SLC25A16: variants seen among roughly 807,000 people sequenced by gnomAD.
SLC25A16 encodes the protein solute carrier family 25 member 16.
Under a neutral mutation model 41.5 loss-of-function variants are expected in SLC25A16, and 39 were observed. That is an observed-to-expected ratio of 0.94 (90% CI 0.73 to 1.23). The LOEUF (loss-of-function observed/expected upper bound fraction) is 1.23, where lower values mean the gene tolerates loss of function less well. SLC25A16 is among the 50% of genes most tolerant of loss of function. The pLI is 0.00. For synonymous variants in SLC25A16, 146 were observed against 147.8 expected, an observed-to-expected ratio of 0.99 and a Z score of 0.09; for missense variants, 421 against 426.9, an observed-to-expected ratio of 0.99 and a Z score of 0.12.
intron 1 of SLC25A16, among the ~76,000 whole-genome samples, chr10:68,526,550 TTGTCTC>T (rs1462561954): frequency 1.3e-5 from 2 of 152,108 alleles, no homozygotes; most frequent in South Asian, 2.1e-4. Context: ...TCTCTATACT[TTGTCTC>T]TGTGTCTTTT....
At chr10:68,505,498 G>C (rs548665123) in intron 3 of SLC25A16, among the ~76,000 whole-genome samples, 1 of 152,138 alleles carries the variant, frequency 6.6e-6, no homozygotes, top group Non-Finnish European at 1.5e-5. Context: ...TACTTGGCCG[G>C]GTGCAGTGGC....
intron 1 of SLC25A16, among the ~76,000 whole-genome samples, chr10:68,522,863 C>T (rs1033383205): frequency 4.7e-5 from 7 of 149,988 alleles, no homozygotes; most frequent in Non-Finnish European, 7.4e-5. Flanking sequence ...TGGCACCCAC[C>T]GGTAGTCCCA....
Position 68,481,364 on chromosome 10 carries a change from C to A in SLC25A16, c.*2068G>T, listed in dbSNP as rs797018518. 9 of 152,250 alleles carry A rather than the reference C, an allele frequency of 5.9e-5. No homozygotes were observed. The highest frequency in any genetic ancestry group is 2.2e-4 in the African/African-American group (9 of 41,548). 9.4% of individuals were successfully genotyped at this position (152,250 alleles called of 1,614,324 possible). Reference sequence around the variant, plus strand: ...TACTTATTTTTAAAATAAAGGCTTTCAAAATGAAACCAGCTCATCAAATTT... The same window carrying A: ...TACTTATTTTTAAAATAAAGGCTTTAAAAATGAAACCAGCTCATCAAATTT... On this transcript the variant is annotated 3_prime_UTR_variant, in exon 9 of 9. Coordinates refer to ENST00000609923, the MANE Select transcript of SLC25A16 (RefSeq NM_152707.4).
rs1007616671 is a variant in SLC25A16 at position 68,527,333 on chromosome 10, G to A, written c.43C>T (p.Pro15Ser). 2 of 1,535,846 alleles carry A rather than the reference G, an allele frequency of 1.3e-6. No individual in the cohort carries two copies. Among genetic ancestry groups the A allele is most frequent in the Non-Finnish European group, 1.8e-6 (2 of 1,142,106 alleles). ...TAAAALAAAD[P>S]PPAMPQAAGA... is the part of the protein sequence containing the mutation. ...GCCGCCTGCGGCATTGCGGGAGGGG[G>A]ATCGGCCGCCGCCAGGGCTGCCGCG... Residue 15 changes from proline to serine, a missense_variant, in exon 1 of 9, where the codon CCC becomes TCC. Physicochemically the swap from Pro to Ser is moderately conservative, Grantham distance 74. Coordinates refer to ENST00000609923, the MANE Select transcript of SLC25A16 (RefSeq NM_152707.4).
At chr10:68,492,410 T>A (rs1364547422) in intron 6 of SLC25A16, among the ~76,000 whole-genome samples, 2 of 152,164 alleles carry the variant, frequency 1.3e-5, no homozygotes, top group Non-Finnish European at 2.9e-5. Flanking sequence ...TGGCTGCAAT[T>A]TTGTCTTGTA....
At chr10:68,486,275 T>TA (rs2052562181) in intron 8 of SLC25A16, among the ~76,000 whole-genome samples, 1 of 151,286 alleles carries the variant, frequency 6.6e-6, no homozygotes, top group Non-Finnish European at 1.5e-5. Context: ...TATTTTTTTT[T>TA]ATAGAGACAA....
At chr10:68,514,050 G>A (rs901457741) in intron 2 of SLC25A16, among the ~76,000 whole-genome samples, 7 of 152,014 alleles carry the variant, frequency 4.6e-5, no homozygotes, top group African/African-American at 1.2e-4. Flanking sequence ...AAAATTAGCC[G>A]GTCATGGTGG....
chr10:68,486,233 A>G (rs1464765885), intron 8 of SLC25A16, among the ~76,000 whole-genome samples: 74 of 133,222 alleles, frequency 5.6e-4, no homozygotes, highest in Non-Finnish European at 9.8e-4. Context: ...AAACAAAACA[A>G]AAAAAAAAAA....
intron 6 of SLC25A16, among the ~76,000 whole-genome samples, chr10:68,492,643 T>C (rs1397058892): frequency 6.6e-6 from 1 of 151,674 alleles, no homozygotes; most frequent in Admixed American, 6.6e-5. Flanking sequence ...GATCACGCCA[T>C]TGCACTCCAG....
At chr10:68,486,246 A>AAAAAAAC (rs1564908767) in intron 8 of SLC25A16, among the ~76,000 whole-genome samples, 3 of 143,472 alleles carry the variant, frequency 2.1e-5, no homozygotes, top group Non-Finnish European at 3.0e-5. Flanking sequence ...AAAAAAAAAA[A>AAAAAAAC]ACACAACCTC....
chr10:68,517,077 C>A, intron 1 of SLC25A16: 1 of 1,192,038 alleles, frequency 8.4e-7, no homozygotes, highest in Non-Finnish European at 1.0e-6. Context: ...AAATCGTCAT[C>A]TAATACCTGA....
At chr10:68,494,620 T>C (rs1448343486) in intron 4 of SLC25A16, among the ~76,000 whole-genome samples, 1 of 149,526 alleles carries the variant, frequency 6.7e-6, no homozygotes, top group East Asian at 2.0e-4. Context: ...CTCACGCCTG[T>C]AGTCCCAACA....
intron 3 of SLC25A16, among the ~76,000 whole-genome samples, chr10:68,506,027 A>G (rs1414713382): frequency 1.3e-5 from 2 of 151,838 alleles, no homozygotes; most frequent in Non-Finnish European, 2.9e-5. Context: ...GTGAGACTCC[A>G]TCTCAAAAAA....
In SLC25A16 at chr10:68,482,939, A is replaced by C. The variant is rs1278858115; in HGVS notation, c.*493T>G. 2 of 152,182 alleles carry C rather than the reference A, an allele frequency of 1.3e-5. No individual in the cohort carries two copies. The highest frequency in any genetic ancestry group is 4.8e-5 in the African/African-American group (2 of 41,444). The allele number at this position is 152,182 out of a possible 1,614,324, so 9.4% of individuals were successfully genotyped here. ...AAGTGTTTTTCCTATTATCCAGTGG[A>C]GCATAATTGTGAGAAGAGAGATAAC... On this transcript the variant is annotated 3_prime_UTR_variant, in exon 9 of 9. Coordinates refer to ENST00000609923, the MANE Select transcript of SLC25A16 (RefSeq NM_152707.4).
At chr10:68,523,919 T>TA (rs2053289035) in intron 1 of SLC25A16, among the ~76,000 whole-genome samples, 1 of 151,826 alleles carries the variant, frequency 6.6e-6, no homozygotes, top group Non-Finnish European at 1.5e-5. Flanking sequence ...GCCAACATGG[T>TA]AAAACCCTGT....
chr10:68,518,255 TA>T (rs2053193392), intron 1 of SLC25A16: 1 of 150,066 alleles, frequency 6.7e-6, no homozygotes, highest in Admixed American at 6.7e-5. Flanking sequence ...CCATTTCTAC[TA>T]AAAATAAAAA....
chr10:68,513,549 TG>T (rs1230351067), intron 2 of SLC25A16, among the ~76,000 whole-genome samples: 1 of 152,174 alleles, frequency 6.6e-6, no homozygotes, highest in Non-Finnish European at 1.5e-5. Context: ...AATAACTCAT[TG>T]TTATTCACCC....
chr10:68,490,343 A>C (rs913619028), intron 6 of SLC25A16, among the ~76,000 whole-genome samples: 11 of 148,954 alleles, frequency 7.4e-5, no homozygotes, highest in Non-Finnish European at 1.6e-4. Context: ...AAAAGAAGAG[A>C]CTTTTTTTTT....
intron 2 of SLC25A16, among the ~76,000 whole-genome samples, chr10:68,511,951 G>C (rs899423247): frequency 1.3e-5 from 2 of 152,040 alleles, no homozygotes; most frequent in African/African-American, 4.8e-5. Context: ...CTACCTCCTG[G>C]GTTCAAGCAA....
Sources: gnomAD v4.1 joint callset for allele counts (sites outside exome capture counted in the v4.1 genomes callset) on GRCh38, gnomAD v4.1.1 for gene constraint, MANE v1.5 for transcripts, NCBI Gene and HGNC (gene_info 2026-07-23, HGNC 2026-07-21) for gene names.